PRDM1: variants seen among roughly 807,000 people sequenced by gnomAD.
PRDM1 encodes the protein PR/SET domain 1, also known as PR domain zinc finger protein 1.
Under a neutral mutation model 62.8 loss-of-function variants are expected in PRDM1, and 13 were observed. That is an observed-to-expected ratio of 0.21 (90% CI 0.13 to 0.33). PRDM1 has a LOEUF of 0.33. PRDM1 is among the 10% of genes least tolerant of loss of function. The pLI is 1.00. For synonymous variants in PRDM1, 396 were observed against 417.6 expected, an observed-to-expected ratio of 0.95 and a Z score of 0.63; for missense variants, 895 against 1,058.8, an observed-to-expected ratio of 0.85 and a Z score of 2.15.
chr6:106,068,552 C>T (rs1773468013), intron 1 of PRDM1, among the ~76,000 whole-genome samples: 1 of 152,148 alleles, frequency 6.6e-6, no homozygotes, highest in African/African-American at 2.4e-5. Flanking sequence ...AAACCTCTCC[C>T]ACTGTAACTC....
At chr6:106,073,727 C>T (rs929322245) in intron 1 of PRDM1, among the ~76,000 whole-genome samples, 3 of 152,180 alleles carry the variant, frequency 2.0e-5, no homozygotes, top group Non-Finnish European at 4.4e-5. Flanking sequence ...TACATGGAAT[C>T]CCAGGCCCAG....
rs549818351 is a variant in PRDM1, at chr6:106,099,127, G to A, written c.412-173G>A. On this transcript the variant is annotated intron_variant, in intron 3 of 6. Coordinates refer to ENST00000369096, the MANE Select transcript of PRDM1 (RefSeq NM_001198.4). Reference sequence around the variant, plus strand: ...ACAAAAGTGTGCCTTACCTGTTTCCGCCCTGATTTCTGCTGATTCAAGACT... The same window carrying A: ...ACAAAAGTGTGCCTTACCTGTTTCCACCCTGATTTCTGCTGATTCAAGACT... The A allele has an allele frequency of 5.1e-5, 83 of 1,611,916 alleles. No homozygotes were observed. The South Asian group carries it at 7.9e-4, about 15-fold the overall frequency.
chr6:106,076,222 T>C (rs887266534), intron 1 of PRDM1, among the ~76,000 whole-genome samples: 4 of 152,088 alleles, frequency 2.6e-5, no homozygotes, highest in African/African-American at 9.7e-5. Flanking sequence ...AAGTGCGACA[T>C]CCCAAAGTGC....
chr6:106,037,484 G>A (rs1713981429), intron 1 of PRDM1, among the ~76,000 whole-genome samples: 1 of 152,038 alleles, frequency 6.6e-6, no homozygotes, highest in Admixed American at 6.6e-5. Flanking sequence ...CCATGATGAT[G>A]AGTATGTTGG....
intron 1 of PRDM1, among the ~76,000 whole-genome samples, chr6:106,080,588 C>G (rs1349134481): frequency 1.3e-5 from 2 of 152,190 alleles, no homozygotes; most frequent in Non-Finnish European, 2.9e-5. Context: ...GAGCCAGGCA[C>G]AAGTAGCATA....
intron 4 of PRDM1, among the ~76,000 whole-genome samples, chr6:106,103,129 GC>G (rs147521142): frequency 8.6e-5 from 13 of 151,884 alleles, no homozygotes; most frequent in South Asian, 2.1e-4. Flanking sequence ...TTCCATCACG[GC>G]CCCCCCGTCA....
Position 106,106,897 on chromosome 6 carries a change from C to G in PRDM1, c.1903-14C>G. On this transcript the variant is annotated splice_polypyrimidine_tract_variant and intron_variant, in intron 6 of 6. Coordinates refer to ENST00000369096, the MANE Select transcript of PRDM1 (RefSeq NM_001198.4). The surrounding 1 kb of genome is among the most constrained non-coding windows in gnomAD (Gnocchi z 4.4). ...TGTCTCCCTTCCCTGCTGTCTCTCTCCCCTACACTGTAGGTCTGCCACAAG... is the reference window on the plus strand; with the variant it reads ...TGTCTCCCTTCCCTGCTGTCTCTCTGCCCTACACTGTAGGTCTGCCACAAG... 1 of 1,605,384 alleles carries G rather than the reference C, an allele frequency of 6.2e-7. No individual in the cohort carries two copies. Among genetic ancestry groups the G allele is most frequent in the Non-Finnish European group, 8.5e-7 (1 of 1,174,156 alleles).
At chr6:106,091,721 C>T (rs1237051101) in intron 2 of PRDM1, among the ~76,000 whole-genome samples, 2 of 152,184 alleles carry the variant, frequency 1.3e-5, no homozygotes, top group African/African-American at 2.4e-5. Flanking sequence ...TGGAGTGAGC[C>T]GAGATCGTGC....
At chr6:106,026,754 A>G (rs1395410596) in intron 1 of PRDM1, among the ~76,000 whole-genome samples, 2 of 152,148 alleles carry the variant, frequency 1.3e-5, no homozygotes, top group South Asian at 2.1e-4. Context: ...GCATACAAAG[A>G]TGTGTGTTTG....
At chr6:106,023,725 C>T (rs920801264) in intron 1 of PRDM1, among the ~76,000 whole-genome samples, 3 of 152,170 alleles carry the variant, frequency 2.0e-5, no homozygotes, top group Admixed American at 6.5e-5. Context: ...TGTCCCAGAG[C>T]TGGACAGGCC....
chr6:106,023,223 A>G (rs1157230891), intron 1 of PRDM1, among the ~76,000 whole-genome samples: 3 of 152,196 alleles, frequency 2.0e-5, no homozygotes, highest in Non-Finnish European at 4.4e-5. Context: ...TATTTAATCT[A>G]TCATATACTA....
chr6:106,079,766 C>G (rs993142941), intron 1 of PRDM1, among the ~76,000 whole-genome samples: 1 of 152,326 alleles, frequency 6.6e-6, no homozygotes, highest in African/African-American at 2.4e-5. Context: ...CCATTGCACT[C>G]TAGCCTGGGT....
rs1005754375 is a variant in PRDM1, at chr6:106,108,142, G to C, written c.*656G>C. 1 of 233,476 alleles carries C rather than the reference G, an allele frequency of 4.3e-6. No homozygotes were observed. The highest frequency in any genetic ancestry group is 2.2e-5 in the African/African-American group (1 of 45,436). 14.5% of individuals were successfully genotyped at this position (233,476 alleles called of 1,614,324 possible). ...ATTTGAACAGCATTGTACATAACTT[G>C]GGGGTATGTGTGCAGGATTACCCAA... On this transcript the variant is annotated 3_prime_UTR_variant, in exon 7 of 7. Coordinates refer to ENST00000369096, the MANE Select transcript of PRDM1 (RefSeq NM_001198.4).
intron 1 of PRDM1, among the ~76,000 whole-genome samples, chr6:106,024,580 A>G (rs988912078): frequency 6.6e-6 from 1 of 152,212 alleles, no homozygotes; most frequent in Non-Finnish European, 1.5e-5. Flanking sequence ...TATAAATTCA[A>G]ATGATTATTT....
chr6:106,041,676 C>T (rs1773000454), intron 1 of PRDM1, among the ~76,000 whole-genome samples: 1 of 151,990 alleles, frequency 6.6e-6, no homozygotes, highest in African/African-American at 2.4e-5. Flanking sequence ...TGAACATCCC[C>T]CCAGAAAAGT....
chr6:106,066,637 T>C lies in PRDM1; in HGVS notation c.-67+17923T>C, dbSNP rs565942967. Among the ~76,000 whole-genome samples, 44 of 152,332 alleles carry C rather than the reference T, an allele frequency of 2.9e-4. 1 individual carries two copies. In the South Asian group the frequency reaches 8.3e-3, roughly 29 times the overall value. Reference sequence around the variant, plus strand: ...CTAACTTTTTTCCTAATTATAAAAGTAATATTCATTCTTAAAGATTTGAAA... The same window carrying C: ...CTAACTTTTTTCCTAATTATAAAAGCAATATTCATTCTTAAAGATTTGAAA... On this transcript the variant is annotated intron_variant, in intron 1 of 6. Coordinates refer to the PRDM1 transcript ENST00000651185.
At chr6:106,038,324 G>C (rs928296858) in intron 1 of PRDM1, among the ~76,000 whole-genome samples, 3 of 151,876 alleles carry the variant, frequency 2.0e-5, no homozygotes, top group African/African-American at 7.3e-5. Context: ...TTTTATTCTT[G>C]TAGGCTGTCT....
At chr6:106,024,315 C>T (rs1433926024) in intron 1 of PRDM1, among the ~76,000 whole-genome samples, 3 of 152,152 alleles carry the variant, frequency 2.0e-5, no homozygotes, top group African/African-American at 4.8e-5. Flanking sequence ...TTCAACATTT[C>T]GAGAAATGGC....
At chr6:105,995,100 G>A (rs1246549677) in intron 1 of PRDM1, among the ~76,000 whole-genome samples, 1 of 152,182 alleles carries the variant, frequency 6.6e-6, no homozygotes, top group Non-Finnish European at 1.5e-5. Flanking sequence ...CGAGCTTTTG[G>A]CCAGCCTCAT....
Sources: allele counts gnomAD v4.1 joint callset (sites outside exome capture counted in the v4.1 genomes callset), GRCh38; gene constraint gnomAD v4.1.1; non-coding constraint Gnocchi (gnomAD v3.1); transcripts MANE v1.5; gene names NCBI Gene and HGNC (gene_info 2026-07-23, HGNC 2026-07-21).